ITPR2: variants seen among roughly 807,000 people sequenced by gnomAD.
ITPR2 encodes the protein inositol 1,4,5-trisphosphate receptor type 2.
A neutral mutation model predicts 317.1 loss-of-function variants in ITPR2; 207 were observed. That is an observed-to-expected ratio of 0.65 (90% CI 0.58 to 0.73). The LOEUF is 0.73. Among genes scored for constraint, ITPR2 ranks in the 30% least tolerant of loss-of-function variants. The probability of loss-of-function intolerance (pLI) is 0.00; values close to 1 mark genes in which losing one functional copy is unlikely to be tolerated. For missense variants in ITPR2, 2,613 were observed against 3,284.0 expected, an observed-to-expected ratio of 0.80 and a Z score of 4.99; for synonymous variants, 1,156 against 1,149.1, an observed-to-expected ratio of 1.01 and a Z score of -0.12.
At chr12:26,801,043 C>T (rs544141954) in intron 1 of ITPR2, 5 of 198,592 alleles carry the variant, frequency 2.5e-5, no homozygotes, top group African/African-American at 9.3e-5. Flanking sequence ...CACAGGCTGA[C>T]GACTGAGTGG....
chr12:26,811,178 A>T (rs2137265541), intron 1 of ITPR2, among the ~76,000 whole-genome samples: 1 of 152,360 alleles, frequency 6.6e-6, no homozygotes, highest in South Asian at 2.1e-4. Flanking sequence ...TTTTGTATAG[A>T]ACTTATTTCT....
intron 21 of ITPR2, among the ~76,000 whole-genome samples, chr12:26,639,563 G>A (rs1336886639): frequency 6.6e-6 from 1 of 151,546 alleles, no homozygotes; most frequent in Non-Finnish European, 1.5e-5. Flanking sequence ...TTGGTGTGCT[G>A]CACCCAGTAA....
At chr12:26,660,430 TCCC>T (rs1466574968) in intron 15 of ITPR2, among the ~76,000 whole-genome samples, 2 of 152,206 alleles carry the variant, frequency 1.3e-5, no homozygotes, top group African/African-American at 4.8e-5. Flanking sequence ...GGTGAGCTTC[TCCC>T]CCTTCCACCA....
At chr12:26,624,500 T>C in intron 23 of ITPR2, 144 bp from the exon 24 acceptor site, 1 of 598,024 alleles carries the variant, frequency 1.7e-6, no homozygotes, top group Non-Finnish European at 3.0e-6. Flanking sequence ...ATAATCTGAT[T>C]TTAAAATGGG....
At chr12:26,479,345 A>C (rs1469786126) in intron 43 of ITPR2, among the ~76,000 whole-genome samples, 1 of 151,496 alleles carries the variant, frequency 6.6e-6, no homozygotes, top group East Asian at 1.9e-4. Flanking sequence ...ATGCCCTCTC[A>C]CTTAATTTTT....
At chr12:26,627,596 T>C (rs1342899753) in intron 23 of ITPR2, among the ~76,000 whole-genome samples, 5 of 152,196 alleles carry the variant, frequency 3.3e-5, no homozygotes, top group Non-Finnish European at 7.3e-5. Flanking sequence ...TTTGATGTCG[T>C]TAGTGGAGAT....
chr12:26,500,307 T>C (rs1317851701), intron 37 of ITPR2, among the ~76,000 whole-genome samples: 3 of 152,242 alleles, frequency 2.0e-5, no homozygotes, highest in African/African-American at 7.2e-5. Context: ...CTCAGAGCTA[T>C]AATTGCCATG....
chr12:26,773,228 G>A (rs1347279975), intron 2 of ITPR2, among the ~76,000 whole-genome samples: 2 of 152,140 alleles, frequency 1.3e-5, no homozygotes, highest in South Asian at 2.1e-4. Flanking sequence ...GGATTAAGTA[G>A]GCTAACATGG....
At chr12:26,365,933 A>G (rs1300401290) in intron 55 of ITPR2, among the ~76,000 whole-genome samples, 3 of 152,256 alleles carry the variant, frequency 2.0e-5, no homozygotes, top group African/African-American at 7.2e-5. Context: ...CATGAAAACT[A>G]TAAATTATTT....
chr12:26,589,853 TACACACACACACACAC>T (rs56044866), intron 32 of ITPR2, among the ~76,000 whole-genome samples: 10,131 of 56,184 alleles, frequency 0.18, 1,334 homozygotes, highest in South Asian at 0.23. Context: ...TATATATATA[TACACACACACACACAC>T]ACACACACAC....
intron 2 of ITPR2, among the ~76,000 whole-genome samples, chr12:26,733,464 T>C (rs1039396641): frequency 6.6e-6 from 1 of 152,210 alleles, no homozygotes; most frequent in African/African-American, 2.4e-5. Flanking sequence ...CATATACATA[T>C]GTGCCACAGT....
intron 21 of ITPR2, among the ~76,000 whole-genome samples, chr12:26,642,747 G>C (rs777214603): frequency 3.3e-5 from 5 of 152,184 alleles, no homozygotes; most frequent in Non-Finnish European, 7.3e-5. Context: ...TCCAAAAAAG[G>C]CCTGCTGTGC....
At chr12:26,495,591 T>G (rs928244216) in intron 37 of ITPR2, 1 of 171,944 alleles carries the variant, frequency 5.8e-6, no homozygotes. Context: ...GCTTTTTGAA[T>G]GTCAATTAAT....
chr12:26,695,577 T>C (rs749139532), intron 10 of ITPR2, 29 bp downstream of exon 10: 2 of 1,578,884 alleles, frequency 1.3e-6, no homozygotes, highest in Admixed American at 1.7e-5. Context: ...TATGCTGAGA[T>C]TTGTTGGAGA....
chr12:26,421,900 T>A (rs866355489), intron 49 of ITPR2, among the ~76,000 whole-genome samples: 1 of 152,188 alleles, frequency 6.6e-6, no homozygotes, highest in African/African-American at 2.4e-5. Context: ...GGGAAAGGGA[T>A]GGAATTGAAA....
intron 2 of ITPR2, among the ~76,000 whole-genome samples, chr12:26,788,555 T>A (rs1026122258): frequency 1.3e-5 from 2 of 152,186 alleles, no homozygotes; most frequent in Admixed American, 1.3e-4. Flanking sequence ...TTATTTACCA[T>A]CACTACTCTG....
In ITPR2 at chr12:26,686,784, C is replaced by T. The variant is rs1162338832; in HGVS notation, c.997-152G>A. On this transcript the variant is annotated intron_variant, in intron 10 of 56. Coordinates refer to ENST00000381340, the MANE Select transcript of ITPR2 (RefSeq NM_002223.4). ...TCATCCAGAAACACTAGCTCTAGCCCGACAGCCATTGAGGTAATTACTGTC... is the reference window on the plus strand; with the variant it reads ...TCATCCAGAAACACTAGCTCTAGCCTGACAGCCATTGAGGTAATTACTGTC... 2.0e-5 allele frequency: 14 copies of T among 690,886 alleles called. 1 individual carries two copies. The highest frequency in any genetic ancestry group is 1.8e-5 in the African/African-American group (1 of 54,948). 42.8% of individuals were successfully genotyped at this position (690,886 alleles called of 1,614,324 possible).
At chr12:26,345,468 T>C (rs906877280) in intron 55 of ITPR2, among the ~76,000 whole-genome samples, 2 of 152,180 alleles carry the variant, frequency 1.3e-5, no homozygotes, top group Non-Finnish European at 2.9e-5. Flanking sequence ...AATAGTACAA[T>C]TAAGACAATA....
At chr12:26,640,596 ACT>A (rs1204924487) in intron 21 of ITPR2, among the ~76,000 whole-genome samples, 2 of 152,080 alleles carry the variant, frequency 1.3e-5, no homozygotes, top group Non-Finnish European at 2.9e-5. Flanking sequence ...CCAGTATGAT[ACT>A]CTCAGTCAAT....
Sources: gnomAD v4.1 joint callset for allele counts (sites outside exome capture counted in the v4.1 genomes callset) on GRCh38, gnomAD v4.1.1 for gene constraint, MANE v1.5 for transcripts, NCBI Gene and HGNC (gene_info 2026-07-23, HGNC 2026-07-21) for gene names.